SRGAP2B: variants seen among roughly 807,000 people sequenced by gnomAD.
SRGAP2B encodes the protein SLIT-ROBO Rho GTPase-activating protein 2B.
Under a neutral mutation model 22.2 loss-of-function variants are expected in SRGAP2B, and 9 were observed. The ratio of observed to expected loss-of-function variants is 0.41; its 90% CI spans 0.24 to 0.71. SRGAP2B has a LOEUF of 0.71. Ranked by LOEUF, SRGAP2B falls within the 30% of genes least tolerant of loss-of-function variation. The pLI, the probability that SRGAP2B is intolerant of heterozygous loss-of-function variation, is 0.35. For synonymous variants in SRGAP2B, 36 were observed against 87.4 expected (o/e 0.41, Z 3.28); for missense variants, 114 against 235.8 (o/e 0.48, Z 3.38).
intron 2 of SRGAP2B, among the ~76,000 whole-genome samples, chr1:145,023,226 G>A (rs1647357559): frequency 7.4e-6 from 1 of 136,034 alleles, no homozygotes; most frequent in Non-Finnish European, 1.6e-5. Flanking sequence ...AAGACCCCTG[G>A]AAGGGAAGAA....
chr1:144,994,960 G>A, intron 3 of SRGAP2B, 48 bp downstream of exon 3: 1 of 1,033,364 alleles, frequency 9.7e-7, no homozygotes, highest in Non-Finnish European at 1.4e-6. Context: ...CTCCACCCTG[G>A]ACCCCATATT....
At position 145,006,298 on chromosome 1, in the gene SRGAP2B, C is replaced by T. The variant is rs144628111; in HGVS notation, c.68-11098G>A. On this transcript the variant is annotated intron_variant, in intron 2 of 9. Transcript: ENST00000612199. ...TGCCCCAGTGGACTGTTCAGAGATG[C>T]AGTAGCTTCACATAGTTACATGAAG... Among the ~76,000 whole-genome samples the T allele has an allele frequency of 3.0e-3, 452 of 150,978 alleles. 36 individuals are homozygous for T. Among genetic ancestry groups the T allele is most frequent in the African/African-American group, 0.01 (413 of 40,420 alleles).
At chr1:144,904,203 TC>T (rs1301357025) in intron 7 of SRGAP2B, among the ~76,000 whole-genome samples, 2 of 150,426 alleles carry the variant, frequency 1.3e-5, no homozygotes, top group East Asian at 3.9e-4. Flanking sequence ...AGTCTCGTAG[TC>T]CTCTGGACCT....
chr1:144,975,974 C>G (rs1174935483), intron 3 of SRGAP2B, among the ~76,000 whole-genome samples: 1 of 148,450 alleles, frequency 6.7e-6, no homozygotes, highest in Admixed American at 6.7e-5. Flanking sequence ...CCCAGGTTCA[C>G]CCCATTCTCC....
rs1306505039 is a variant in SRGAP2B, at chr1:144,925,064, G to A, written c.424-10310C>T. 8.1e-5 allele frequency among the ~76,000 whole-genome samples: 12 copies of A among 148,366 alleles called. 1 individual carries two copies. The South Asian group carries it at 1.0e-3, about 13-fold the overall frequency. ...TATCACCAGGCTGGAGTGCAGTGGC[G>A]CCATCTCGGCTCACTGCAACCTCCG... On this transcript the variant is annotated intron_variant, in intron 4 of 9. Coordinates refer to ENST00000612199, the Ensembl canonical transcript of SRGAP2B.
intron 4 of SRGAP2B, among the ~76,000 whole-genome samples, chr1:144,942,836 A>G (rs1421526336): frequency 7.3e-5 from 11 of 151,504 alleles, no homozygotes; most frequent in Non-Finnish European, 1.6e-4. Context: ...GGCACCCAAT[A>G]TTTGTAGGCT....
At chr1:144,975,868 C>CTTTT (rs56268353) in intron 3 of SRGAP2B, among the ~76,000 whole-genome samples, 80 of 27,296 alleles carry the variant, frequency 2.9e-3, no homozygotes, top group Non-Finnish European at 3.6e-3. Context: ...GTTAGTAATT[C>CTTTT]TTTTTTTTTT....
chr1:144,934,233 T>A (rs1457266305), intron 4 of SRGAP2B, among the ~76,000 whole-genome samples: 1 of 150,240 alleles, frequency 6.7e-6, no homozygotes, highest in Non-Finnish European at 1.5e-5. Flanking sequence ...AGTGAAACCC[T>A]GTCTCTACTA....
chr1:144,956,609 A>G (rs1667286668), intron 3 of SRGAP2B, among the ~76,000 whole-genome samples: 2 of 140,442 alleles, frequency 1.4e-5, no homozygotes, highest in Admixed American at 1.4e-4. Flanking sequence ...CACCACGCCC[A>G]GCTAACTTTT....
In SRGAP2B at chr1:144,934,403, C is replaced by CAAAA. The variant is rs782588401; in HGVS notation, c.424-19653_424-19650dup. Among the ~76,000 whole-genome samples the CAAAA allele has an allele frequency of 4.4e-3, 177 of 40,636 alleles. 3 individuals are homozygous for CAAAA. The highest frequency in any genetic ancestry group is 0.018 in the African/African-American group (166 of 9,374). The allele number at this position is 40,636 out of a possible 152,430, so 26.7% of individuals were successfully genotyped here. On this transcript the variant is annotated intron_variant, in intron 4 of 9. Transcript: ENST00000612199. ...GGGCAACAAGAGCAAAACTCCATCTCAAAAAAAAAAAAAAAAAAAAAAAGA... is the reference window on the plus strand; with the variant it reads ...GGGCAACAAGAGCAAAACTCCATCTCAAAAAAAAAAAAAAAAAAAAAAAAAAAGA...
chr1:144,956,065 T>C (rs1667234896), intron 3 of SRGAP2B, among the ~76,000 whole-genome samples: 1 of 149,648 alleles, frequency 6.7e-6, no homozygotes, highest in Admixed American at 6.6e-5. Flanking sequence ...TTCTGCATTG[T>C]CTGGCTAGAC....
rs71249180 is a variant in SRGAP2B at position 144,940,799 on chromosome 1, C to CAA, written c.423+14638_423+14639dup. Among the ~76,000 whole-genome samples, 533 of 83,310 alleles carry CAA rather than the reference C, an allele frequency of 6.4e-3. 3 individuals carry two copies. The highest frequency in any genetic ancestry group is 0.022 in the African/African-American group (466 of 21,032). The allele number at this position is 83,310 out of a possible 152,430, so 54.7% of individuals were successfully genotyped here. ...GCCTGAAAAAAAGAAACTCCATCTC[C>CAA]AAAAAAAAAAAAAAAAAAAGACAAC... On this transcript the variant is annotated intron_variant, in intron 4 of 9. Coordinates refer to ENST00000612199, the Ensembl canonical transcript of SRGAP2B.
At chr1:145,041,633 TG>T (rs1247503678) in intron 2 of SRGAP2B, among the ~76,000 whole-genome samples, 1 of 126,894 alleles carries the variant, frequency 7.9e-6, no homozygotes, top group Non-Finnish European at 1.6e-5. Flanking sequence ...CACTCAAGCC[TG>T]GGCGACAGAG....
chr1:144,902,606 C>CA (rs1662713799), intron 7 of SRGAP2B, among the ~76,000 whole-genome samples: 1 of 132,930 alleles, frequency 7.5e-6, no homozygotes. Context: ...TAAAAAAATA[C>CA]AAAAAATTAG....
intron 5 of SRGAP2B, among the ~76,000 whole-genome samples, chr1:144,913,116 G>A (rs1240738655): frequency 6.8e-6 from 1 of 146,440 alleles, no homozygotes; most frequent in Admixed American, 6.8e-5. Context: ...TTAAAGCACA[G>A]CATATGAAGA....
intron 2 of SRGAP2B, among the ~76,000 whole-genome samples, chr1:145,023,555 G>GA (rs1553624477): frequency 1.5e-5 from 2 of 132,312 alleles, no homozygotes; most frequent in African/African-American, 5.4e-5. Context: ...TGGAACAATG[G>GA]AAGCAAGTGG....
intron 2 of SRGAP2B, among the ~76,000 whole-genome samples, chr1:144,997,224 C>T (rs1361307790): frequency 6.6e-6 from 1 of 150,496 alleles, no homozygotes; most frequent in Non-Finnish European, 1.5e-5. Context: ...GTCAGGAGAT[C>T]GAGACCATCA....
chr1:144,999,074 C>T (rs376050360), intron 2 of SRGAP2B, among the ~76,000 whole-genome samples: 4 of 150,686 alleles, frequency 2.7e-5, no homozygotes, highest in East Asian at 1.9e-4. Context: ...GGCGATCATG[C>T]ATGTGCACAT....
chr1:144,925,741 A>AAGAAAGAG (rs1390260328), intron 4 of SRGAP2B, among the ~76,000 whole-genome samples: 1 of 130,056 alleles, frequency 7.7e-6, no homozygotes, highest in Non-Finnish European at 1.6e-5. Context: ...GAAAGAAAGA[A>AAGAAAGAG]AGAAAGAAAG....
Sources: allele counts gnomAD v4.1 joint callset (sites outside exome capture counted in the v4.1 genomes callset), GRCh38; gene constraint gnomAD v4.1.1; transcripts MANE v1.5; gene names NCBI Gene and HGNC (gene_info 2026-07-23, HGNC 2026-07-21).